The following RBFOX1 variants were observed in gnomAD, a reference collection of about 807,000 sequenced individuals.
RBFOX1 encodes the protein RNA binding protein fox-1 homolog 1.
In RBFOX1, 8 loss-of-function variants were observed where a neutral mutation model predicts 57.7. That is an observed-to-expected ratio of 0.14 (90% confidence interval 0.08 to 0.25). RBFOX1 has a LOEUF of 0.25. RBFOX1 is among the 10% of genes least tolerant of loss of function. The pLI is 1.00. For missense variants in RBFOX1, 611 were observed against 548.5 expected (o/e 1.11, Z -1.14); for synonymous variants, 326 against 222.4 (o/e 1.47, Z -4.15).
intron 1 of RBFOX1, among the ~76,000 whole-genome samples, chr16:5,465,864 A>C (rs1304295920): frequency 2.0e-5 from 3 of 152,306 alleles, no homozygotes; most frequent in South Asian, 4.2e-4. Flanking sequence ...CAGAATGGCC[A>C]GATATGTTGT....
chr16:5,424,905 T>C (rs1283701110), intron 1 of RBFOX1, among the ~76,000 whole-genome samples: 58 of 106,176 alleles, frequency 5.5e-4, no homozygotes, highest in Non-Finnish European at 8.2e-4. Flanking sequence ...CTTTCTTTCT[T>C]TCTTTCTTTC....
chr16:6,758,962 C>G (rs1049851885), intron 3 of RBFOX1, among the ~76,000 whole-genome samples: 1 of 151,944 alleles, frequency 6.6e-6, no homozygotes, highest in African/African-American at 2.4e-5. Context: ...GCTTTCTAAG[C>G]TAGAAAAATG....
chr16:5,249,460 T>C (rs111463567), intron 1 of RBFOX1, among the ~76,000 whole-genome samples: 1,753 of 152,320 alleles, frequency 0.012, 35 homozygotes, highest in African/African-American at 0.04. Flanking sequence ...GGAGGGGACG[T>C]GCACGGCCCT....
intron 2 of RBFOX1, among the ~76,000 whole-genome samples, chr16:6,583,259 A>T (rs1162741359): frequency 1.3e-5 from 2 of 152,320 alleles, no homozygotes; most frequent in South Asian, 2.1e-4. Context: ...CTCATTGGCC[A>T]GCTTGGAACA....
chr16:5,852,371 A>G (rs2056918789), intron 3 of RBFOX1, among the ~76,000 whole-genome samples: 1 of 152,204 alleles, frequency 6.6e-6, no homozygotes, highest in Non-Finnish European at 1.5e-5. Context: ...AACATGAGGC[A>G]GCAAAGATGT....
At chr16:7,171,446 G>T (rs949629034) in intron 4 of RBFOX1, among the ~76,000 whole-genome samples, 3 of 152,186 alleles carry the variant, frequency 2.0e-5, no homozygotes, top group African/African-American at 7.2e-5. Context: ...GTTGCTTTAT[G>T]TATGTGTGCT....
At chr16:6,869,471 GGT>G (rs1044632198) in intron 3 of RBFOX1, among the ~76,000 whole-genome samples, 2 of 58,732 alleles carry the variant, frequency 3.4e-5, no homozygotes, top group Non-Finnish European at 5.9e-5. Flanking sequence ...TGTCTTTTGA[GGT>G]TTTTTTTTTT....
At chr16:6,598,480 G>A (rs2097801613) in intron 2 of RBFOX1, among the ~76,000 whole-genome samples, 1 of 152,114 alleles carries the variant, frequency 6.6e-6, no homozygotes, top group South Asian at 2.1e-4. Flanking sequence ...TAATCAGTCT[G>A]TAGAAAATAA....
At chr16:5,544,951 CTTTTTTTTTTTTTTTTTTTTTT>C (rs59873374) in intron 2 of RBFOX1, among the ~76,000 whole-genome samples, 4,786 of 123,682 alleles carry the variant, frequency 0.039, 41 homozygotes, top group East Asian at 0.071. Context: ...CTATTACATT[CTTTTTTTTTTTTTTTTTTTTTT>C]TTTTTTTTTT....
At chr16:5,761,336 G>A (rs1021090366) in intron 3 of RBFOX1, among the ~76,000 whole-genome samples, 3 of 152,220 alleles carry the variant, frequency 2.0e-5, no homozygotes, top group African/African-American at 7.2e-5. Flanking sequence ...GCTGCAAAGA[G>A]ATAGATCTGG....
At chr16:5,604,382 C>G (rs74004408), downstream of RBFOX1, among the ~76,000 whole-genome samples, 5,443 of 152,132 alleles carry the variant, frequency 0.036, 330 homozygotes, top group African/African-American at 0.12. Flanking sequence ...GCTCAGGGTC[C>G]CTTTGCAATC....
chr16:7,181,143 T>A (rs901832526), intron 4 of RBFOX1, among the ~76,000 whole-genome samples: 3 of 152,170 alleles, frequency 2.0e-5, no homozygotes, highest in Non-Finnish European at 4.4e-5. Context: ...TCCTTCCTTG[T>A]CATGTGCCAG....
intron 4 of RBFOX1, among the ~76,000 whole-genome samples, chr16:7,094,774 GT>G (rs1452120296): frequency 6.5e-4 from 92 of 140,554 alleles, no homozygotes; most frequent in Middle Eastern, 3.6e-3. Context: ...GTGTGTGTGT[GT>G]GGGTGTGTGT....
Position 6,773,919 on chromosome 16 carries a change from G to A in RBFOX1, c.-16+119269G>A, listed in dbSNP as rs1038243957. The A allele has an allele frequency of 7.2e-5, 71 of 983,884 alleles. No homozygotes were observed. The African/African-American group carries it at 1.1e-3, about 16-fold the overall frequency. The allele number at this position is 983,884 out of a possible 1,614,324, so 60.9% of individuals were successfully genotyped here. A position where few individuals can be genotyped will look rare whatever the true frequency, so the allele number is the denominator to read the frequency against. On this transcript the variant is annotated intron_variant, in intron 3 of 15. Coordinates refer to ENST00000550418, the MANE Select transcript of RBFOX1 (RefSeq NM_018723.4). Reference sequence around the variant, plus strand: ...GGGCATGGAGTGCATTTGCGTTGCGGGGGTGTGGAGTGTGTTTGTGTGTGT... The same window carrying A: ...GGGCATGGAGTGCATTTGCGTTGCGAGGGTGTGGAGTGTGTTTGTGTGTGT...
chr16:7,297,163 G>A (rs1362417941), intron 4 of RBFOX1, among the ~76,000 whole-genome samples: 1 of 152,140 alleles, frequency 6.6e-6, no homozygotes, highest in Admixed American at 6.5e-5. Flanking sequence ...GCAGGGAGGA[G>A]GGAAGGCAGT....
intron 3 of RBFOX1, among the ~76,000 whole-genome samples, chr16:5,688,885 C>T (rs1251805453): frequency 2.0e-5 from 3 of 152,228 alleles, no homozygotes; most frequent in African/African-American, 7.2e-5. Context: ...CTCATCTCTG[C>T]TTCTCCTGGT....
intron 4 of RBFOX1, among the ~76,000 whole-genome samples, chr16:7,358,166 A>T (rs747022068): frequency 1.1e-4 from 16 of 152,218 alleles, no homozygotes; most frequent in Non-Finnish European, 1.9e-4. Context: ...ATCTGTTATC[A>T]TCCTATTGGA....
At chr16:6,069,777 A>C (rs1364431378) in intron 1 of RBFOX1, among the ~76,000 whole-genome samples, 6 of 152,124 alleles carry the variant, frequency 3.9e-5, no homozygotes, top group African/African-American at 1.4e-4. Flanking sequence ...ACTTGAGTTC[A>C]GGAGTTTGAG....
At chr16:6,681,788 T>TA (rs1568191637) in intron 3 of RBFOX1, among the ~76,000 whole-genome samples, 1 of 152,156 alleles carries the variant, frequency 6.6e-6, no homozygotes, top group Admixed American at 6.6e-5. Context: ...CTCACGTCTG[T>TA]AATGTGGAGA....
Sources: allele counts gnomAD v4.1 joint callset (sites outside exome capture counted in the v4.1 genomes callset), GRCh38; gene constraint gnomAD v4.1.1; transcripts MANE v1.5; gene names NCBI Gene and HGNC (gene_info 2026-07-23, HGNC 2026-07-21).